Variants in SH3BP5 observed in about 807,000 individuals in gnomAD.
SH3BP5 encodes the protein SH3 domain-binding protein 5.
A neutral mutation model predicts 43.3 loss-of-function variants in SH3BP5; 22 were observed. The observed-to-expected ratio is 0.51, with a 90% CI of 0.36 to 0.73. The LOEUF is 0.73. Ranked by LOEUF, SH3BP5 falls within the 30% of genes least tolerant of loss-of-function variation. The probability of loss-of-function intolerance (pLI) is 0.00; values close to 1 mark genes in which losing one functional copy is unlikely to be tolerated. For synonymous variants in SH3BP5, 255 were observed against 225.8 expected, an observed-to-expected ratio of 1.13 and a Z score of -1.16; for missense variants, 529 against 586.9, an observed-to-expected ratio of 0.90 and a Z score of 1.02.
chr3:15,320,605 AACACACAC>A (rs376414934), intron 2 of SH3BP5, among the ~76,000 whole-genome samples: 25 of 126,954 alleles, frequency 2.0e-4, no homozygotes, highest in Middle Eastern at 4.1e-3. Flanking sequence ...ATCCAGCCAA[AACACACAC>A]ACACACACAC....
upstream of SH3BP5, among the ~76,000 whole-genome samples, chr3:15,337,084 GTTTTTTTTT>G (rs374056927): frequency 1.0e-5 from 1 of 100,128 alleles, no homozygotes; most frequent in African/African-American, 4.0e-5. Flanking sequence ...TTTTAGTTTA[GTTTTTTTTT>G]TTTTTTTTTT....
intron 3 of SH3BP5, among the ~76,000 whole-genome samples, chr3:15,301,824 C>G (rs1295195795): frequency 6.6e-6 from 1 of 151,834 alleles, no homozygotes; most frequent in African/African-American, 2.4e-5. Context: ...CAACACAAAG[C>G]CCCCTAGAGC....
intron 2 of SH3BP5, among the ~76,000 whole-genome samples, chr3:15,323,974 A>G (rs1199756586): frequency 2.0e-5 from 3 of 152,176 alleles, no homozygotes; most frequent in South Asian, 4.1e-4. Flanking sequence ...CTGAAGCCCA[A>G]GGCCTTCAGT....
chr3:15,259,716 G>C, intron 6 of SH3BP5, 45 bp downstream of exon 6: 4 of 1,585,540 alleles, frequency 2.5e-6, no homozygotes, highest in Non-Finnish European at 3.5e-6. Flanking sequence ...GAAGCTTTGA[G>C]TGCAGAAAAA....
chr3:15,260,048 A>G (rs1696376281), intron 5 of SH3BP5: 1 of 551,596 alleles, frequency 1.8e-6, no homozygotes, highest in Admixed American at 3.2e-5. Flanking sequence ...GACACGGGGA[A>G]CCCACACACA....
At chr3:15,292,361 T>G (rs9310473) in intron 3 of SH3BP5, among the ~76,000 whole-genome samples, 1 of 152,022 alleles carries the variant, frequency 6.6e-6, no homozygotes, top group African/African-American at 2.4e-5. Context: ...GCCATGCCTC[T>G]GTGAATAGCA....
At chr3:15,314,030 C>A (rs771234186) in intron 2 of SH3BP5, among the ~76,000 whole-genome samples, 1 of 151,844 alleles carries the variant, frequency 6.6e-6, no homozygotes, top group Non-Finnish European at 1.5e-5. Context: ...TGAGCCTAGG[C>A]GGTCAAGGCT....
At chr3:15,279,602 T>C (rs1469775481) in intron 3 of SH3BP5, among the ~76,000 whole-genome samples, 1 of 152,132 alleles carries the variant, frequency 6.6e-6, no homozygotes, top group African/African-American at 2.4e-5. Context: ...GGGGTAAAGA[T>C]GAAACAGGAT....
intron 4 of SH3BP5, among the ~76,000 whole-genome samples, chr3:15,263,343 C>A (rs1332008354): frequency 6.6e-6 from 1 of 152,078 alleles, no homozygotes; most frequent in Non-Finnish European, 1.5e-5. Context: ...CCACCAAAAC[C>A]AAGAACTAGG....
chr3:15,275,368 A>G (rs1696933305), intron 3 of SH3BP5, among the ~76,000 whole-genome samples: 2 of 152,280 alleles, frequency 1.3e-5, no homozygotes, highest in African/African-American at 2.4e-5. Flanking sequence ...AGAGCTGGCT[A>G]TCTGGTTCTC....
chr3:15,296,432 T>C (rs540336568), intron 3 of SH3BP5, among the ~76,000 whole-genome samples: 85 of 152,020 alleles, frequency 5.6e-4, no homozygotes, highest in Non-Finnish European at 1.1e-3. Flanking sequence ...CACACCCTTT[T>C]ATAAGACTGC....
At chr3:15,330,243 C>G (rs1433037094) in intron 2 of SH3BP5, among the ~76,000 whole-genome samples, 2 of 152,326 alleles carry the variant, frequency 1.3e-5, no homozygotes, top group East Asian at 3.9e-4. Context: ...GGGGCTTAAG[C>G]GTTGTGTAAC....
chr3:15,282,828 G>A (rs914199904), intron 3 of SH3BP5, among the ~76,000 whole-genome samples: 7 of 152,000 alleles, frequency 4.6e-5, no homozygotes, highest in Admixed American at 3.9e-4. Flanking sequence ...GGGGGAGGGT[G>A]GACGAAACCT....
chr3:15,325,095 AATG>A (rs1388024415), intron 2 of SH3BP5, among the ~76,000 whole-genome samples: 2 of 152,232 alleles, frequency 1.3e-5, no homozygotes, highest in African/African-American at 4.8e-5. Context: ...AAGCACGGGA[AATG>A]ATGAAAACAT....
At chr3:15,299,117 G>A (rs1697658231) in intron 3 of SH3BP5, among the ~76,000 whole-genome samples, 1 of 152,198 alleles carries the variant, frequency 6.6e-6, no homozygotes, top group Non-Finnish European at 1.5e-5. Context: ...AGCACCCAGG[G>A]AGCCAGGTAA....
At chr3:15,258,749 T>C in intron 7 of SH3BP5, 82 bp downstream of exon 7, 1 of 1,263,886 alleles carries the variant, frequency 7.9e-7, no homozygotes, top group South Asian at 1.3e-5. Context: ...CTTTCACTGA[T>C]GGCCAGAGAA....
At chr3:15,326,367 C>A (rs1248353271) in intron 2 of SH3BP5, among the ~76,000 whole-genome samples, 2 of 152,220 alleles carry the variant, frequency 1.3e-5, no homozygotes. Context: ...CAGCTACCCA[C>A]AGACAACTGC....
intron 3 of SH3BP5, among the ~76,000 whole-genome samples, chr3:15,291,555 G>A (rs758045221): frequency 5.9e-5 from 9 of 151,812 alleles, no homozygotes; most frequent in Admixed American, 2.0e-4. Flanking sequence ...TGTTCTATCC[G>A]CCAATCTTAC....
chr3:15,280,580 C>T (rs1697097032), intron 3 of SH3BP5, among the ~76,000 whole-genome samples: 3 of 152,140 alleles, frequency 2.0e-5, no homozygotes, highest in African/African-American at 7.2e-5. Context: ...TCTATCAGCC[C>T]CAATCCAAGC....
Sources: gnomAD v4.1 joint callset for allele counts (sites outside exome capture counted in the v4.1 genomes callset) on GRCh38, gnomAD v4.1.1 for gene constraint, MANE v1.5 for transcripts, NCBI Gene and HGNC (gene_info 2026-07-23, HGNC 2026-07-21) for gene names.